The following STX2 variants were observed in gnomAD, a reference collection of about 807,000 sequenced individuals.
STX2 encodes syntaxin-2.
A neutral mutation model predicts 40.6 loss-of-function variants in STX2; 27 were observed. That is an observed-to-expected ratio of 0.66 (90% CI 0.49 to 0.92). The LOEUF (loss-of-function observed/expected upper bound fraction) is 0.92. Ranked by LOEUF, STX2 falls within the 40% of genes least tolerant of loss-of-function variation. The pLI is 0.00. For missense variants in STX2, 328 were observed against 366.1 expected, an observed-to-expected ratio of 0.90 and a Z score of 0.85; for synonymous variants, 123 against 119.1, an observed-to-expected ratio of 1.03 and a Z score of -0.22.
intron 3 of STX2, among the ~76,000 whole-genome samples, chr12:130,816,387 G>C (rs184520485): frequency 6.6e-6 from 1 of 151,110 alleles, no homozygotes; most frequent in African/African-American, 2.5e-5. Flanking sequence ...CACTCATGAC[G>C]GAGTGAACTT....
chr12:130,829,604 G>A (rs889819497), intron 1 of STX2, among the ~76,000 whole-genome samples: 1 of 152,138 alleles, frequency 6.6e-6, no homozygotes, highest in Non-Finnish European at 1.5e-5. Context: ...TCCCCTGTGC[G>A]TGCCAGCCCC....
chr12:130,797,509 T>G (rs913023497), intron 9 of STX2, among the ~76,000 whole-genome samples: 2 of 151,896 alleles, frequency 1.3e-5, no homozygotes, highest in South Asian at 2.1e-4. Flanking sequence ...TGAGTGAGGG[T>G]GTGCCCTGGC....
At chr12:130,821,643 G>T in intron 3 of STX2, 46 bp downstream of exon 3, 1 of 1,470,286 alleles carries the variant, frequency 6.8e-7, no homozygotes, top group Non-Finnish European at 9.5e-7. Context: ...CAGCCAGAGG[G>T]ACACACAGAC....
intron 6 of STX2, 73 bp downstream of exon 6, chr12:130,806,909 T>G (rs1275439088): frequency 3.3e-5 from 46 of 1,379,660 alleles, no homozygotes; most frequent in Non-Finnish European, 8.2e-6. Context: ...TTTTCTGAAG[T>G]TAAAGTCATT....
intron 1 of STX2, among the ~76,000 whole-genome samples, chr12:130,835,829 A>G (rs745797016): frequency 5.3e-5 from 8 of 152,154 alleles, no homozygotes; most frequent in Non-Finnish European, 8.8e-5. Context: ...TGCCCAAATG[A>G]CTGGTTGCTC....
intron 1 of STX2, among the ~76,000 whole-genome samples, chr12:130,834,574 T>C (rs1952693039): frequency 6.6e-6 from 1 of 152,176 alleles, no homozygotes; most frequent in Admixed American, 6.5e-5. Flanking sequence ...ACTCCTTAAA[T>C]TCAGAATAGA....
At chr12:130,798,115 C>T (rs1471133006) in intron 9 of STX2, among the ~76,000 whole-genome samples, 2 of 152,036 alleles carry the variant, frequency 1.3e-5, no homozygotes, top group South Asian at 2.1e-4. Flanking sequence ...GGCATGGTGG[C>T]GGGTGCCTGT....
At position 130,801,147 on chromosome 12, in the gene STX2, A is replaced by G. The variant is rs1951210033; in HGVS notation, c.675+6T>C. On this transcript the variant is annotated splice_donor_region_variant and intron_variant, in intron 8 of 10. Transcript: ENST00000392373. The stretch of plus-strand genomic sequence containing the variant: ...TCTCTTGGAGAATGCAAGAGTCTGT[A>G]ACTACCTGAGTCTCCACAAACATAG... The G allele has an allele frequency of 1.9e-6, 3 of 1,608,838 alleles. No individual in the cohort carries two copies. Among genetic ancestry groups the G allele is most frequent in the South Asian group, 2.2e-5 (2 of 90,428 alleles).
At chr12:130,812,920 C>T (rs1257001464) in intron 4 of STX2, 37 bp downstream of exon 4, 3 of 1,379,982 alleles carry the variant, frequency 2.2e-6, no homozygotes, top group South Asian at 1.3e-5. Context: ...ACCCATACTC[C>T]CAACATCAAT....
At chr12:130,814,079 C>G (rs1224070363) in intron 3 of STX2, among the ~76,000 whole-genome samples, 1 of 152,170 alleles carries the variant, frequency 6.6e-6, no homozygotes, top group Non-Finnish European at 1.5e-5. Context: ...GTCTTCTTTC[C>G]ATGCTCAGCT....
chr12:130,794,272 A>G (rs1950962617), intron 10 of STX2, among the ~76,000 whole-genome samples: 1 of 152,224 alleles, frequency 6.6e-6, no homozygotes. Flanking sequence ...AAAATAGAAC[A>G]TCTTGCCTAA....
intron 4 of STX2, among the ~76,000 whole-genome samples, chr12:130,809,592 G>A (rs1241553197): frequency 1.3e-5 from 2 of 152,168 alleles, no homozygotes; most frequent in African/African-American, 2.4e-5. Flanking sequence ...TAAGGCAGGC[G>A]GATCACTTGA....
chr12:130,811,694 T>G (rs533551700), intron 4 of STX2, among the ~76,000 whole-genome samples: 1 of 151,986 alleles, frequency 6.6e-6, no homozygotes, highest in African/African-American at 2.4e-5. Context: ...CACCCGCCAC[T>G]GCGCCCAGCT....
At chr12:130,794,646 G>A (rs971426412) in intron 10 of STX2, among the ~76,000 whole-genome samples, 16 of 152,118 alleles carry the variant, frequency 1.1e-4, no homozygotes, top group African/African-American at 3.9e-4. Flanking sequence ...ATAGGCACGT[G>A]TGCCACCATG....
intron 10 of STX2, 41 bp downstream of exon 10, chr12:130,795,954 T>C (rs768394617): frequency 1.0e-5 from 16 of 1,573,180 alleles, no homozygotes; most frequent in East Asian, 6.8e-5. Context: ...TATTGGTTAA[T>C]TGCAAAAGTT....
intron 3 of STX2, among the ~76,000 whole-genome samples, chr12:130,820,015 A>G (rs1006632808): frequency 2.6e-5 from 4 of 152,222 alleles, no homozygotes; most frequent in African/African-American, 7.2e-5. Context: ...CACTTTTTCA[A>G]TTTAATACTA....
intron 1 of STX2, among the ~76,000 whole-genome samples, chr12:130,832,518 G>A (rs1234181364): frequency 6.6e-6 from 1 of 152,002 alleles, no homozygotes; most frequent in Non-Finnish European, 1.5e-5. Context: ...GCAATAAATT[G>A]GATGCCCCCA....
intron 1 of STX2, among the ~76,000 whole-genome samples, chr12:130,832,368 CCA>C (rs1316117093): frequency 6.6e-6 from 1 of 152,134 alleles, no homozygotes; most frequent in Admixed American, 6.5e-5. Flanking sequence ...ATATAACGAA[CCA>C]CAGTTACAAG....
At chr12:130,829,761 A>G (rs554448018) in intron 1 of STX2, among the ~76,000 whole-genome samples, 2 of 152,306 alleles carry the variant, frequency 1.3e-5, no homozygotes, top group Admixed American at 6.5e-5. Flanking sequence ...GCGCAGGGCC[A>G]GGAATGATGG....
Sources: allele counts gnomAD v4.1 joint callset (sites outside exome capture counted in the v4.1 genomes callset), GRCh38; gene constraint gnomAD v4.1.1; transcripts MANE v1.5; gene names NCBI Gene and HGNC (gene_info 2026-07-23, HGNC 2026-07-21).